The following HDAC9 variants were observed in gnomAD, a reference collection of about 807,000 sequenced individuals.
HDAC9 encodes the protein histone deacetylase 9.
A neutral mutation model predicts 139.4 loss-of-function variants in HDAC9; 41 were observed. The observed-to-expected ratio is 0.29, with a 90% CI of 0.23 to 0.38. The LOEUF is 0.38. Among genes scored for constraint, HDAC9 ranks in the 10% least tolerant of loss-of-function variants. The pLI is 1.00. For missense variants in HDAC9, 1,147 were observed against 1,297.0 expected, an observed-to-expected ratio of 0.88 and a Z score of 1.78; for synonymous variants, 517 against 476.2, an observed-to-expected ratio of 1.09 and a Z score of -1.12.
At chr7:18,424,930 G>A (rs1789974179) in intron 1 of HDAC9, among the ~76,000 whole-genome samples, 1 of 151,940 alleles carries the variant, frequency 6.6e-6, no homozygotes, top group Non-Finnish European at 1.5e-5. Flanking sequence ...TAAAATAATA[G>A]TAATAAGAAT....
chr7:18,888,424 C>CA (rs1311136290), intron 22 of HDAC9, among the ~76,000 whole-genome samples: 3 of 151,958 alleles, frequency 2.0e-5, no homozygotes, highest in African/African-American at 7.3e-5. Context: ...GACTCCGTCT[C>CA]AAAAAATAAA....
chr7:18,863,874 C>G (rs1585178647), intron 21 of HDAC9, among the ~76,000 whole-genome samples: 1 of 152,014 alleles, frequency 6.6e-6, no homozygotes, highest in South Asian at 2.1e-4. Flanking sequence ...ATCATTCAGG[C>G]GAAGGGAACA....
chr7:18,996,013 A>G lies in HDAC9; in HGVS notation c.3171-10A>G. 1.3e-6 allele frequency: 2 copies of G among 1,595,196 alleles called. No homozygotes were observed. Among genetic ancestry groups the G allele is most frequent in the South Asian group, 1.1e-5 (1 of 88,058 alleles). ...TATGCCGTATTCTGATTGCCTGTTT[A>G]TTTTTACAGAACTGCTGGTGAGCCT... On this transcript the variant is annotated splice_polypyrimidine_tract_variant and intron_variant, in intron 25 of 25. Coordinates refer to ENST00000686413, the MANE Select transcript of HDAC9 (RefSeq NM_178425.4).
chr7:18,534,202 T>G (rs1810054539), intron 2 of HDAC9, among the ~76,000 whole-genome samples: 1 of 152,196 alleles, frequency 6.6e-6, no homozygotes, highest in Non-Finnish European at 1.5e-5. Flanking sequence ...ATAGACGGCA[T>G]GGACATTTAG....
At chr7:18,965,751 C>T (rs1783801858) in intron 24 of HDAC9, among the ~76,000 whole-genome samples, 2 of 152,284 alleles carry the variant, frequency 1.3e-5, no homozygotes, top group South Asian at 4.1e-4. Context: ...AATACTGCTC[C>T]TGGGGGACAA....
At chr7:18,707,691 C>G (rs1784034501) in intron 12 of HDAC9, among the ~76,000 whole-genome samples, 1 of 151,970 alleles carries the variant, frequency 6.6e-6, no homozygotes, top group African/African-American at 2.4e-5. Flanking sequence ...TGGATATGGG[C>G]AATTATTATT....
intron 1 of HDAC9, among the ~76,000 whole-genome samples, chr7:18,143,826 A>C (rs1006670730): frequency 6.6e-6 from 1 of 151,176 alleles, no homozygotes; most frequent in Admixed American, 6.6e-5. Flanking sequence ...TTTTTATTTT[A>C]CCTATTAATT....
At chr7:18,210,616 T>C (rs952964863) in intron 2 of HDAC9, among the ~76,000 whole-genome samples, 1 of 152,192 alleles carries the variant, frequency 6.6e-6, no homozygotes, top group African/African-American at 2.4e-5. Flanking sequence ...AAGTATTGTT[T>C]TTGTTTTTAG....
chr7:18,834,377 G>GT (rs1796072234), intron 19 of HDAC9, among the ~76,000 whole-genome samples: 1 of 150,584 alleles, frequency 6.6e-6, no homozygotes, highest in Non-Finnish European at 1.5e-5. Context: ...TATTAATTGA[G>GT]GTGTTTTTTT....
At chr7:18,729,565 T>C (rs1056292682) in intron 13 of HDAC9, among the ~76,000 whole-genome samples, 1 of 152,156 alleles carries the variant, frequency 6.6e-6, no homozygotes, top group Non-Finnish European at 1.5e-5. Context: ...ATAGGGTTTG[T>C]AGACCTTAGA....
chr7:18,226,817 G>C (rs184834456), intron 2 of HDAC9, among the ~76,000 whole-genome samples: 4 of 152,302 alleles, frequency 2.6e-5, no homozygotes, highest in Non-Finnish European at 4.4e-5. Context: ...AGGATATGTA[G>C]GCAGTGACCA....
chr7:18,263,613 C>CTTTT (rs33938966), intron 2 of HDAC9, among the ~76,000 whole-genome samples: 2 of 146,378 alleles, frequency 1.4e-5, no homozygotes, highest in Non-Finnish European at 1.5e-5. Flanking sequence ...TTATAATTGA[C>CTTTT]TTTTTTTTTT....
intron 2 of HDAC9, among the ~76,000 whole-genome samples, chr7:18,502,189 A>G (rs1240178993): frequency 6.6e-6 from 1 of 152,218 alleles, no homozygotes; most frequent in Non-Finnish European, 1.5e-5. Flanking sequence ...TTCAAGCATC[A>G]TGTTATTTAT....
intron 12 of HDAC9, chr7:18,666,906 G>T (rs1382155171): frequency 4.0e-6 from 4 of 995,984 alleles, no homozygotes; most frequent in Non-Finnish European, 4.8e-6. Context: ...ATTAGTTTTT[G>T]ATTTTTTGCA....
At chr7:18,727,430 C>A in intron 12 of HDAC9, 150 bp from the exon 13 acceptor site, 1 of 643,946 alleles carries the variant, frequency 1.6e-6, no homozygotes, top group Non-Finnish European at 2.5e-6. Context: ...CTTGTTTTTT[C>A]TCTCCCTTTC....
chr7:18,725,696 T>C (rs934872445), intron 12 of HDAC9, among the ~76,000 whole-genome samples: 7 of 152,180 alleles, frequency 4.6e-5, no homozygotes, highest in African/African-American at 7.2e-5. Flanking sequence ...TTGTAGATCA[T>C]ATGTGGAAAA....
chr7:18,095,620 G>A (rs529260449), intron 1 of HDAC9, among the ~76,000 whole-genome samples: 9 of 152,150 alleles, frequency 5.9e-5, no homozygotes, highest in Admixed American at 5.9e-4. Context: ...TAAGACTACA[G>A]GTCTGTACAG....
chr7:18,269,173 G>T (rs1796191507), intron 2 of HDAC9, among the ~76,000 whole-genome samples: 1 of 152,050 alleles, frequency 6.6e-6, no homozygotes, highest in Non-Finnish European at 1.5e-5. Context: ...TATTTGTTTT[G>T]CAGATATACA....
intron 1 of HDAC9, among the ~76,000 whole-genome samples, chr7:18,145,309 A>C (rs1161595120): frequency 6.6e-6 from 1 of 152,212 alleles, no homozygotes; most frequent in Non-Finnish European, 1.5e-5. Flanking sequence ...AAGCAAGATA[A>C]TCTCATGGAG....
Sources: allele counts gnomAD v4.1 joint callset (sites outside exome capture counted in the v4.1 genomes callset), GRCh38; gene constraint gnomAD v4.1.1; transcripts MANE v1.5; gene names NCBI Gene and HGNC (gene_info 2026-07-23, HGNC 2026-07-21).